ONECUT3: variants seen among roughly 807,000 people sequenced by gnomAD.
ONECUT3 encodes the protein one cut homeobox 3.
A neutral mutation model predicts 16.8 loss-of-function variants in ONECUT3; 11 were observed. That is an observed-to-expected ratio of 0.66 (90% CI 0.41 to 1.09). ONECUT3 has a LOEUF of 1.09. ONECUT3 is among the 50% of genes least tolerant of loss of function. ONECUT3 has a pLI of 0.00. For synonymous variants in ONECUT3, 344 were observed against 310.7 expected (o/e 1.11, Z -1.13); for missense variants, 637 against 629.9 (o/e 1.01, Z -0.12).
At position 1,780,749 on chromosome 19, in the gene ONECUT3, G is replaced by C. The variant is rs1353088702; in HGVS notation, c.*5304G>C. ...CAGTAGACTCCTGGGGCTCCTCCTC[G>C]TGGCCCTGTCAGACCACGCAGGGGC... On this transcript the variant is annotated 3_prime_UTR_variant, in exon 2 of 2. Coordinates refer to ENST00000382349, the MANE Select transcript of ONECUT3 (RefSeq NM_001080488.2). The C allele has an allele frequency of 1.3e-5, 2 of 152,200 alleles. No individual in the cohort carries two copies. The highest frequency in any genetic ancestry group is 2.9e-5 in the Non-Finnish European group (2 of 68,052). 9.4% of individuals were successfully genotyped at this position (152,200 alleles called of 1,614,324 possible).
rs10424024 is a variant in ONECUT3, at chr19:1,764,144, T to A, written c.1192+9290T>A. On this transcript the variant is annotated intron_variant, in intron 1 of 1. Transcript: ENST00000382349. This position sits in a 1 kb window ranked among gnomAD's most constrained non-coding sequence, Gnocchi z 5.0. ...CGCTGTGTCTCCGTAACATTTTTTTTAAAAATCAACGCCTTGTGCGTGCGT... is the reference window on the plus strand; with the variant it reads ...CGCTGTGTCTCCGTAACATTTTTTTAAAAAATCAACGCCTTGTGCGTGCGT... Among the ~76,000 whole-genome samples, 139,205 of 152,096 alleles carry A rather than the reference T, an allele frequency of 0.92. 63,882 individuals carry two copies. The highest frequency in any genetic ancestry group is 1 in the East Asian group (5,142 of 5,164).
chr19:1,757,056 G>A (rs534767422), intron 1 of ONECUT3, among the ~76,000 whole-genome samples: 5 of 149,642 alleles, frequency 3.3e-5, no homozygotes, highest in Admixed American at 6.9e-5. Flanking sequence ...AGCAGTACTG[G>A]AATTGCAGAT....
In ONECUT3 at chr19:1,764,424, G is replaced by A. The variant is rs141461346; in HGVS notation, c.1192+9570G>A. Among the ~76,000 whole-genome samples the A allele has an allele frequency of 7.9e-3, 1,200 of 152,332 alleles. 12 individuals carry two copies. Among genetic ancestry groups the A allele is most frequent in the African/African-American group, 0.027 (1,113 of 41,588 alleles). On this transcript the variant is annotated intron_variant, in intron 1 of 1. Coordinates refer to ENST00000382349, the MANE Select transcript of ONECUT3 (RefSeq NM_001080488.2). The surrounding 1 kb of genome is among the most constrained non-coding windows in gnomAD (Gnocchi z 5.0). ...TAAAATCCCATCAGGGGAGGCTGGC[G>A]GGGAAAGCTGGAGGGAGAGGGGTGG...
In ONECUT3 at chr19:1,764,166, G is replaced by T. The variant is rs1372971888; in HGVS notation, c.1192+9312G>T. On this transcript the variant is annotated intron_variant, in intron 1 of 1. Transcript: ENST00000382349. This position sits in a 1 kb window ranked among gnomAD's most constrained non-coding sequence, Gnocchi z 5.0. ...TTTTAAAAATCAACGCCTTGTGCGT[G>T]CGTGTGTTTGCCCACTGGCTTTGCT... Among the ~76,000 whole-genome samples the T allele has an allele frequency of 2.0e-5, 3 of 152,132 alleles. No individual in the cohort carries two copies. The highest frequency in any genetic ancestry group is 4.4e-5 in the Non-Finnish European group (3 of 68,032).
rs1332732793 is a variant in ONECUT3 at position 1,776,854 on chromosome 19, C to T, written c.*1409C>T. On this transcript the variant is annotated 3_prime_UTR_variant, in exon 2 of 2. Transcript: ENST00000382349. This position sits in a 1 kb window ranked among gnomAD's most constrained non-coding sequence, Gnocchi z 4.9. ...TTTCTAGTGAAATGCCCCTCCCCTC[C>T]CCCAGGTAAAGGCTACCTCACTCAA... 1 of 152,104 alleles carries T rather than the reference C, an allele frequency of 6.6e-6. No homozygotes were observed. Among genetic ancestry groups the T allele is most frequent in the East Asian group, 1.9e-4 (1 of 5,172 alleles). 9.4% of individuals were successfully genotyped at this position (152,104 alleles called of 1,614,324 possible).
At position 1,758,837 on chromosome 19, in the gene ONECUT3, T is replaced by C. The variant is rs2067931725; in HGVS notation, c.1192+3983T>C. ...AATTCGAATTACCGTCTCTAATTCA[T>C]CACCGTCGCCGGGTCGATAGCTTCG... On this transcript the variant is annotated intron_variant, in intron 1 of 1. Transcript: ENST00000382349. The surrounding 1 kb of genome is among the most constrained non-coding windows in gnomAD (Gnocchi z 5.9). Among the ~76,000 whole-genome samples, 1 of 152,208 alleles carries C rather than the reference T, an allele frequency of 6.6e-6. No individual in the cohort carries two copies.
rs951810163 is a variant in ONECUT3 at position 1,764,598 on chromosome 19, G to T, written c.1192+9744G>T. 3.9e-5 allele frequency among the ~76,000 whole-genome samples: 6 copies of T among 152,184 alleles called. No individual in the cohort carries two copies. The highest frequency in any genetic ancestry group is 1.4e-4 in the African/African-American group (6 of 41,518). ...GATGAGGGGCTGGGGAGGCCTCTGGGGGTCCACGCCTGGGGCATGACTCAG... is the reference window on the plus strand; with the variant it reads ...GATGAGGGGCTGGGGAGGCCTCTGGTGGTCCACGCCTGGGGCATGACTCAG... On this transcript the variant is annotated intron_variant, in intron 1 of 1. Coordinates refer to ENST00000382349, the MANE Select transcript of ONECUT3 (RefSeq NM_001080488.2). This position sits in a 1 kb window ranked among gnomAD's most constrained non-coding sequence, Gnocchi z 5.0.
chr19:1,773,333 A>G (rs2068074406), intron 1 of ONECUT3, among the ~76,000 whole-genome samples: 2 of 151,660 alleles, frequency 1.3e-5, no homozygotes, highest in African/African-American at 2.4e-5. Flanking sequence ...AGTAACCCAC[A>G]GGCATCACTT....
Position 1,764,697 on chromosome 19 carries a change from G to A in ONECUT3, c.1192+9843G>A, listed in dbSNP as rs2067969128. 2.0e-5 allele frequency among the ~76,000 whole-genome samples: 3 copies of A among 152,108 alleles called. No individual in the cohort carries two copies. Among genetic ancestry groups the A allele is most frequent in the Non-Finnish European group, 4.4e-5 (3 of 68,016 alleles). ...ATTTTCCAGCTCCCCGAGGGGTGCA[G>A]GGTGTAGACAGAGGGTGTAGGTATG... On this transcript the variant is annotated intron_variant, in intron 1 of 1. Transcript: ENST00000382349. The surrounding 1 kb of genome is among the most constrained non-coding windows in gnomAD (Gnocchi z 5.0).
chr19:1,768,779 A>T (rs1396428852), intron 1 of ONECUT3, among the ~76,000 whole-genome samples: 1 of 151,900 alleles, frequency 6.6e-6, no homozygotes, highest in Non-Finnish European at 1.5e-5. Flanking sequence ...GGTGAGTAAA[A>T]GAAAGGTCAT....
In ONECUT3 at chr19:1,755,549, C is replaced by G. The variant is rs530739865; in HGVS notation, c.1192+695C>G. 1.3e-5 allele frequency among the ~76,000 whole-genome samples: 2 copies of G among 152,024 alleles called. No homozygotes were observed. The highest frequency in any genetic ancestry group is 6.5e-5 in the Admixed American group (1 of 15,282). ...GCGCCGCCCGGAGGCCTTCACACCC[C>G]GACCCGGCGCCCGCCCCGCGCAGTT... On this transcript the variant is annotated intron_variant, in intron 1 of 1. Transcript: ENST00000382349. The surrounding 1 kb of genome is among the most constrained non-coding windows in gnomAD (Gnocchi z 7.5).
chr19:1,758,061 GT>G lies in ONECUT3; in HGVS notation c.1192+3208del. The stretch of plus-strand genomic sequence containing the variant: ...GGCCACGCGTTTCCGCAGGTGCCGA[GT>G]GTCCTGCCGGGCGCCGGGGCCAGGA... On this transcript the variant is annotated intron_variant, in intron 1 of 1. Coordinates refer to ENST00000382349, the MANE Select transcript of ONECUT3 (RefSeq NM_001080488.2). The surrounding 1 kb of genome is among the most constrained non-coding windows in gnomAD (Gnocchi z 5.9). 1.3e-5 allele frequency among the ~76,000 whole-genome samples: 2 copies of G among 152,184 alleles called. No homozygotes were observed. Among genetic ancestry groups the G allele is most frequent in the African/African-American group, 4.8e-5 (2 of 41,450 alleles).
At chr19:1,765,993 G>A (rs1253704283) in intron 1 of ONECUT3, among the ~76,000 whole-genome samples, 1 of 152,228 alleles carries the variant, frequency 6.6e-6, no homozygotes, top group Non-Finnish European at 1.5e-5. Context: ...TCCCACACAG[G>A]GATGTCACAC....
At chr19:1,773,746 T>C (rs551951620) in intron 1 of ONECUT3, among the ~76,000 whole-genome samples, 26 of 152,086 alleles carry the variant, frequency 1.7e-4, no homozygotes, top group African/African-American at 6.3e-4. Context: ...AGGAGAGAAA[T>C]TGAGATTCTG....
intron 1 of ONECUT3, among the ~76,000 whole-genome samples, chr19:1,760,377 G>GTC (rs2067940251): frequency 6.7e-6 from 1 of 150,200 alleles, no homozygotes; most frequent in Admixed American, 6.6e-5. Flanking sequence ...TCGGGACGAA[G>GTC]TCTTGGAGGT....
At position 1,754,114 on chromosome 19, in the gene ONECUT3, C is replaced by G. The variant is rs762881995; in HGVS notation, c.452C>G (p.Pro151Arg). 1 of 1,023,146 alleles carries G rather than the reference C, an allele frequency of 9.8e-7. No individual in the cohort carries two copies. Among genetic ancestry groups the G allele is most frequent in the Non-Finnish European group, 1.2e-6 (1 of 857,334 alleles). 63.4% of individuals were successfully genotyped at this position (1,023,146 alleles called of 1,614,324 possible). The change falls in exon 1 of 2, where the codon CCG becomes CGG. Residue 151 changes from proline to arginine, a missense_variant. By Grantham distance (103) the Pro-to-Arg change is moderately radical. Coordinates refer to ENST00000382349, the MANE Select transcript of ONECUT3 (RefSeq NM_001080488.2). This position sits in a 1 kb window ranked among gnomAD's most constrained non-coding sequence, Gnocchi z 7.4. ...PHAHPHPAAA[P>R]PPPPPPQRLA... is the part of the protein sequence containing the mutation. ...GCGCACCCGCACCCGGCGGCCGCGC[C>G]GCCCCCGCCACCCCCGCCGCAGCGT...
rs1327522095 is a variant in ONECUT3 at position 1,762,528 on chromosome 19, C to G, written c.1192+7674C>G. On this transcript the variant is annotated intron_variant, in intron 1 of 1. Coordinates refer to ENST00000382349, the MANE Select transcript of ONECUT3 (RefSeq NM_001080488.2). This position sits in a 1 kb window ranked among gnomAD's most constrained non-coding sequence, Gnocchi z 4.4. ...GCACCCGGGAAGCTGCGGAGTCGGG[C>G]TGGGGCCGCCGCGTTGCGCACATCG... 2.0e-5 allele frequency among the ~76,000 whole-genome samples: 3 copies of G among 152,252 alleles called. No individual in the cohort carries two copies. The highest frequency in any genetic ancestry group is 6.5e-5 in the Admixed American group (1 of 15,294).
chr19:1,780,958 G>A lies in ONECUT3; in HGVS notation c.*5513G>A, dbSNP rs1440690110. ...CCCTTTTCCACCTTCACCCTTGGGC[G>A]ACAGGCTTAAAAGCTAAAAAAAAAA... On this transcript the variant is annotated 3_prime_UTR_variant, in exon 2 of 2. Transcript: ENST00000382349. The A allele has an allele frequency of 3.8e-5, 5 of 130,520 alleles. No individual in the cohort carries two copies. Among genetic ancestry groups the A allele is most frequent in the Admixed American group, 7.7e-5 (1 of 12,960 alleles). The allele number at this position is 130,520 out of a possible 1,614,324, so 8.1% of individuals were successfully genotyped here. A position where few individuals can be genotyped will look rare whatever the true frequency, so the allele number is the denominator to read the frequency against.
At chr19:1,767,846 G>C (rs554924912) in intron 1 of ONECUT3, among the ~76,000 whole-genome samples, 220 of 152,254 alleles carry the variant, frequency 1.4e-3, no homozygotes, top group African/African-American at 5.0e-3. Context: ...CCCTGTGCAT[G>C]GGCTCAGATG....
Sources: allele counts gnomAD v4.1 joint callset (sites outside exome capture counted in the v4.1 genomes callset), GRCh38; gene constraint gnomAD v4.1.1; non-coding constraint Gnocchi (gnomAD v3.1); transcripts MANE v1.5; gene names NCBI Gene and HGNC (gene_info 2026-07-23, HGNC 2026-07-21).